Variants in MAN2C1 observed in about 807,000 individuals in gnomAD.
MAN2C1 encodes the protein mannosidase alpha class 2C member 1.
Under a neutral mutation model 126.9 loss-of-function variants are expected in MAN2C1, and 111 were observed. That is an observed-to-expected ratio of 0.87 (90% CI 0.75 to 1.02). The LOEUF (loss-of-function observed/expected upper bound fraction) is 1.02, where lower values mean the gene tolerates loss of function less well. Among genes scored for constraint, MAN2C1 ranks in the 50% least tolerant of loss-of-function variants. The pLI, the probability that MAN2C1 is intolerant of heterozygous loss-of-function variation, is 0.00. For synonymous variants in MAN2C1, 567 were observed against 561.5 expected, an observed-to-expected ratio of 1.01 and a Z score of -0.14; for missense variants, 1,363 against 1,364.4, an observed-to-expected ratio of 1.00 and a Z score of 0.02.
At position 75,361,734 on chromosome 15, in the gene MAN2C1, G is replaced by T. The variant is rs1392851440; in HGVS notation, c.1102-14C>A. On this transcript the variant is annotated splice_polypyrimidine_tract_variant and intron_variant, in intron 9 of 25. Transcript: ENST00000267978. The surrounding 1 kb of genome is among the most constrained non-coding windows in gnomAD (Gnocchi z 5.0). ...CGGCAGCCAGAACTGTGGAGAAAGAGGATCCTGGAGTGCAGGAACCAGAGC... is the reference window on the plus strand; with the variant it reads ...CGGCAGCCAGAACTGTGGAGAAAGATGATCCTGGAGTGCAGGAACCAGAGC... 6.2e-7 allele frequency: 1 copy of T among 1,609,494 alleles called. No homozygotes were observed. Among genetic ancestry groups the T allele is most frequent in the Non-Finnish European group, 8.5e-7 (1 of 1,176,104 alleles).
Position 75,361,477 on chromosome 15 carries a change from G to A in MAN2C1, c.1219-96C>T. 1.6e-6 allele frequency: 2 copies of A among 1,278,306 alleles called. No homozygotes were observed. Among genetic ancestry groups the A allele is most frequent in the Non-Finnish European group, 2.3e-6 (2 of 878,126 alleles). The allele number at this position is 1,278,306 out of a possible 1,614,324, so 79.2% of individuals were successfully genotyped here. A position where few individuals can be genotyped will look rare whatever the true frequency, so the allele number is the denominator to read the frequency against. Reference sequence around the variant, plus strand: ...ACTTGGTCCTGCCCCTGCCTGCTATGTGACCCTGGCAGAGGCAGAGTGAGG... The same window carrying A: ...ACTTGGTCCTGCCCCTGCCTGCTATATGACCCTGGCAGAGGCAGAGTGAGG... On this transcript the variant is annotated intron_variant, in intron 10 of 25. Coordinates refer to ENST00000267978, the MANE Select transcript of MAN2C1 (RefSeq NM_006715.4). This position sits in a 1 kb window ranked among gnomAD's most constrained non-coding sequence, Gnocchi z 5.0.
intron 15 of MAN2C1, 30 bp downstream of exon 15, chr15:75,359,873 G>A (rs149965046): frequency 5.6e-6 from 9 of 1,611,524 alleles, no homozygotes; most frequent in Non-Finnish European, 5.9e-6. Flanking sequence ...TGGGGTTGGA[G>A]AGAGCAGGCA....
Position 75,362,887 on chromosome 15 carries a change from G to GTCACT in MAN2C1, c.791-144_791-140dup, listed in dbSNP as rs562153017. On this transcript the variant is annotated intron_variant, in intron 6 of 25. Coordinates refer to ENST00000267978, the MANE Select transcript of MAN2C1 (RefSeq NM_006715.4). This position sits in a 1 kb window ranked among gnomAD's most constrained non-coding sequence, Gnocchi z 4.5. ...AGCCCTGTGGTGTCCCTCCTAAGTG[G>GTCACT]TCACTTCACTTCACTCCAGCGAGGT... 8 of 690,744 alleles carry GTCACT rather than the reference G, an allele frequency of 1.2e-5. No individual in the cohort carries two copies. Among genetic ancestry groups the GTCACT allele is most frequent in the South Asian group, 1.1e-4 (6 of 56,612 alleles). The allele number at this position is 690,744 out of a possible 1,614,324, so 42.8% of individuals were successfully genotyped here. A position where few individuals can be genotyped will look rare whatever the true frequency, so the allele number is the denominator to read the frequency against.
Position 75,359,344 on chromosome 15 carries a change from A to T in MAN2C1, c.2030T>A (p.Val677Glu), listed in dbSNP as rs762538460. The T allele has an allele frequency of 1.9e-5, 31 of 1,597,014 alleles. No individual in the cohort carries two copies. In the South Asian group the frequency reaches 3.4e-4, roughly 17 times the overall value. The change falls in exon 17 of 26, where the codon GTG (valine) becomes GAG (glutamate). Residue 677 changes from valine (V) to glutamate (E), a missense_variant. Around this residue, in one of 3 missense-constraint regions of MAN2C1, gnomAD observed 668 missense variants for 650.1 expected, o/e 1.03. Coordinates refer to ENST00000267978, the MANE Select transcript of MAN2C1 (RefSeq NM_006715.4). ...AGGACTCACCTCTTGCACTACGAAC[A>T]CAGGCTGCTGGGGCAGCAGGGGCTG... ...SLQPLLPQQP[V>E]FVVQETDGSV...
intron 15 of MAN2C1, 48 bp from the exon 16 acceptor site, chr15:75,359,823 G>A: frequency 6.2e-7 from 1 of 1,613,098 alleles, no homozygotes; most frequent in East Asian, 2.2e-5. Context: ...TCTGGAATGT[G>A]CCCATGGGTA....
chr15:75,367,789 G>T (rs996408511), intron 2 of MAN2C1, 155 bp from the exon 3 acceptor site: 1 of 1,007,512 alleles, frequency 9.9e-7, no homozygotes, highest in African/African-American at 1.6e-5. Flanking sequence ...AACAAGGTGA[G>T]AAGCAAGATG....
intron 19 of MAN2C1, 39 bp downstream of exon 19, chr15:75,358,665 C>T (rs2072394648): frequency 7.6e-7 from 1 of 1,320,580 alleles, no homozygotes; most frequent in Non-Finnish European, 1.0e-6. Context: ...CCTGTGTTCC[C>T]ACCACCTCCA....
In MAN2C1 at chr15:75,356,816, TCGCACTGA is replaced by T; in HGVS notation, c.2626_2633del (p.Ser876ArgfsTer13). 1.2e-6 allele frequency: 2 copies of T among 1,614,070 alleles called. No homozygotes were observed. Among genetic ancestry groups the T allele is most frequent in the Non-Finnish European group, 1.7e-6 (2 of 1,180,024 alleles). ...ACAGCGAGAGGCTGAGGATGCTGCC[TCGCACTGA>T]CGCGCCATACTTGCAGTCGTTGAGC... On this transcript the variant is annotated frameshift_variant, in exon 22 of 26. Coordinates refer to ENST00000267978, the MANE Select transcript of MAN2C1 (RefSeq NM_006715.4). LOFTEE classifies it high-confidence loss of function. The surrounding 1 kb of genome is among the most constrained non-coding windows in gnomAD (Gnocchi z 5.8).
intron 13 of MAN2C1, 38 bp downstream of exon 13, chr15:75,360,527 C>G (rs945627123): frequency 1.0e-5 from 16 of 1,607,622 alleles, no homozygotes; most frequent in Non-Finnish European, 1.4e-5. Context: ...AGATCAAGGG[C>G]ACACCCTCCC....
chr15:75,363,970 C>T (rs2072526903), intron 6 of MAN2C1, 29 bp downstream of exon 6: 1 of 1,592,572 alleles, frequency 6.3e-7, no homozygotes, highest in South Asian at 1.1e-5. Flanking sequence ...TCCTGCTTCC[C>T]CAGCCAGCCC....
In MAN2C1 at chr15:75,356,395, A is replaced by G. The variant is rs576044637; in HGVS notation, c.2792T>C (p.Leu931Pro). Reference protein sequence around the residue: ...IQAAYSLNFPLLALPAPSPAP... With the variant: ...IQAAYSLNFPPLALPAPSPAP... ...TGGGCTGGGGGCTGGCAGAGCCAAC[A>G]GGGGGAAGTTTAGGCTGTAGGCAGC... is the stretch of plus-strand genomic sequence containing the variant. Residue 931 changes from leucine (L) to proline (P), a missense_variant, in exon 24 of 26, where the codon CTG becomes CCG. Around this residue, in one of 3 missense-constraint regions of MAN2C1, gnomAD observed 668 missense variants for 650.1 expected, o/e 1.03. Coordinates refer to ENST00000267978, the MANE Select transcript of MAN2C1 (RefSeq NM_006715.4). The surrounding 1 kb of genome is among the most constrained non-coding windows in gnomAD (Gnocchi z 5.8). The G allele has an allele frequency of 6.2e-6, 10 of 1,610,650 alleles. No individual in the cohort carries two copies. The South Asian group carries it at 1.0e-4, about 16-fold the overall frequency.
At chr15:75,367,249 T>C (rs1290169923) in intron 3 of MAN2C1, among the ~76,000 whole-genome samples, 1 of 152,206 alleles carries the variant, frequency 6.6e-6, no homozygotes, top group Non-Finnish European at 1.5e-5. Flanking sequence ...AGCTGGGGAA[T>C]GGGATGGGTG....
In MAN2C1 at chr15:75,364,125, C is replaced by T. The variant is rs749535388; in HGVS notation, c.664G>A (p.Val222Met). 9 of 1,614,174 alleles carry T rather than the reference C, an allele frequency of 5.6e-6. No homozygotes were observed. The highest frequency in any genetic ancestry group is 2.2e-5 in the East Asian group (1 of 44,884). Reference protein sequence around the residue: ...ALYTANQMVNVCDPAQPETFP... With the variant: ...ALYTANQMVNMCDPAQPETFP... ...GTCTCGGGCTGGGCAGGGTCACACA[C>T]GTTCACCATCTGATTGGCTGTGTAC... The change falls in exon 6 of 26, where the codon GTG becomes ATG. Residue 222 changes from valine to methionine, a missense_variant. Physicochemically the swap from Val to Met is conservative, Grantham distance 21. Coordinates refer to ENST00000267978, the MANE Select transcript of MAN2C1 (RefSeq NM_006715.4).
chr15:75,363,046 A>T, intron 6 of MAN2C1: 1 of 418,594 alleles, frequency 2.4e-6, no homozygotes, highest in Non-Finnish European at 4.5e-6. Context: ...ATCCTACGAG[A>T]AGTAGCAGGG....
Position 75,361,761 on chromosome 15 carries a change from C to T in MAN2C1, c.1102-41G>A. ...ATCCTGGAGTGCAGGAACCAGAGCT[C>T]CAGGCGGACTCACCCCAGCCTCAGC... On this transcript the variant is annotated intron_variant, in intron 9 of 25. Coordinates refer to ENST00000267978, the MANE Select transcript of MAN2C1 (RefSeq NM_006715.4). This position sits in a 1 kb window ranked among gnomAD's most constrained non-coding sequence, Gnocchi z 5.0. 2 of 1,595,118 alleles carry T rather than the reference C, an allele frequency of 1.3e-6. No individual in the cohort carries two copies. The highest frequency in any genetic ancestry group is 1.1e-5 in the South Asian group (1 of 90,670).
Position 75,355,884 on chromosome 15 carries a change from A to C in MAN2C1, c.*22T>G. ...TAGGAGTCCCCAGAGCCTTCTACAAACAAAACCCCAGCCCCAGGGACTCAG... is the reference window on the plus strand; with the variant it reads ...TAGGAGTCCCCAGAGCCTTCTACAACCAAAACCCCAGCCCCAGGGACTCAG... On this transcript the variant is annotated 3_prime_UTR_variant, in exon 26 of 26. Coordinates refer to ENST00000267978, the MANE Select transcript of MAN2C1 (RefSeq NM_006715.4). 1 of 1,612,814 alleles carries C rather than the reference A, an allele frequency of 6.2e-7. No homozygotes were observed.
intron 4 of MAN2C1, 44 bp downstream of exon 4, chr15:75,366,478 C>A (rs1278779055): frequency 6.4e-7 from 1 of 1,565,154 alleles, no homozygotes; most frequent in Non-Finnish European, 8.8e-7. Flanking sequence ...CTCACTGGTA[C>A]TCCCTCCCTG....
At position 75,356,583 on chromosome 15, in the gene MAN2C1, G is replaced by A; in HGVS notation, c.2737+23C>T. On this transcript the variant is annotated intron_variant, in intron 23 of 25. Transcript: ENST00000267978. The surrounding 1 kb of genome is among the most constrained non-coding windows in gnomAD (Gnocchi z 5.8). ...GAGAGGTGTCTAGGGCTGCAGGAAGGCCCCACCGTCCCCAGCACTCACCCT... is the reference window on the plus strand; with the variant it reads ...GAGAGGTGTCTAGGGCTGCAGGAAGACCCCACCGTCCCCAGCACTCACCCT... The A allele has an allele frequency of 6.4e-7, 1 of 1,553,322 alleles. No individual in the cohort carries two copies. Among genetic ancestry groups the A allele is most frequent in the Non-Finnish European group, 8.7e-7 (1 of 1,148,490 alleles).
At position 75,356,290 on chromosome 15, in the gene MAN2C1, C is replaced by T. The variant is rs1293284616; in HGVS notation, c.2886+11G>A. The stretch of plus-strand genomic sequence containing the variant: ...TTCGGAACCCCGTCCCCAGCACGTC[C>T]CACCCCTTGCCTGCTTGACGGTCTC... On this transcript the variant is annotated intron_variant, in intron 24 of 25. Coordinates refer to ENST00000267978, the MANE Select transcript of MAN2C1 (RefSeq NM_006715.4). The surrounding 1 kb of genome is among the most constrained non-coding windows in gnomAD (Gnocchi z 5.8). The T allele has an allele frequency of 1.2e-6, 2 of 1,611,972 alleles. No homozygotes were observed. Among genetic ancestry groups the T allele is most frequent in the East Asian group, 4.5e-5 (2 of 44,780 alleles).
Sources: gnomAD v4.1 joint callset for allele counts (sites outside exome capture counted in the v4.1 genomes callset) on GRCh38, gnomAD v4.1.1 for gene constraint, gnomAD v4.1.1 regional missense constraint, Gnocchi (gnomAD v3.1) non-coding constraint, MANE v1.5 for transcripts, NCBI Gene and HGNC (gene_info 2026-07-23, HGNC 2026-07-21) for gene names.